PHF14: variants seen among roughly 807,000 people sequenced by gnomAD.
PHF14 encodes PHD finger protein 14.
In PHF14, 55 loss-of-function variants were observed where a neutral mutation model predicts 117.9. That is an observed-to-expected ratio of 0.47 (90% confidence interval 0.38 to 0.58). The LOEUF (loss-of-function observed/expected upper bound fraction) is 0.58, where lower values mean the gene tolerates loss of function less well. PHF14 is among the 20% of genes least tolerant of loss of function. The pLI, the probability that PHF14 is intolerant of heterozygous loss-of-function variation, is 0.00. For missense variants in PHF14, 978 were observed against 1,122.2 expected (o/e 0.87, Z 1.84); for synonymous variants, 409 against 368.6 (o/e 1.11, Z -1.26).
intron 4 of PHF14, among the ~76,000 whole-genome samples, chr7:10,994,461 T>C (rs1195212619): frequency 6.6e-6 from 1 of 152,088 alleles, no homozygotes; most frequent in African/African-American, 2.4e-5. Context: ...CTTGAAGTGG[T>C]AGCATGCTTA....
At chr7:11,158,886 A>T (rs571792733) in intron 17 of PHF14, among the ~76,000 whole-genome samples, 9 of 152,242 alleles carry the variant, frequency 5.9e-5, no homozygotes, top group African/African-American at 2.2e-4. Flanking sequence ...TACACTGAAG[A>T]CATATTAAAC....
At chr7:11,016,757 TTTAAG>T (rs1783548290) in intron 5 of PHF14, among the ~76,000 whole-genome samples, 1 of 152,166 alleles carries the variant, frequency 6.6e-6, no homozygotes, top group African/African-American at 2.4e-5. Context: ...AGTTACCCTC[TTTAAG>T]TTATTTTTAA....
chr7:11,149,226 GCA>G (rs1788639124), intron 17 of PHF14, among the ~76,000 whole-genome samples: 1 of 152,140 alleles, frequency 6.6e-6, no homozygotes, highest in African/African-American at 2.4e-5. Flanking sequence ...TTCATAGGAT[GCA>G]CACACACAAA....
chr7:11,059,120 G>C (rs1785118518), intron 14 of PHF14, among the ~76,000 whole-genome samples: 1 of 152,064 alleles, frequency 6.6e-6, no homozygotes, highest in Non-Finnish European at 1.5e-5. Context: ...CTATACCATT[G>C]TGTGATTGAA....
At chr7:11,036,032 A>G (rs1784316272) in intron 8 of PHF14, among the ~76,000 whole-genome samples, 1 of 152,166 alleles carries the variant, frequency 6.6e-6, no homozygotes. Context: ...CTGTGAGGAA[A>G]TTACTCTATC....
intron 17 of PHF14, among the ~76,000 whole-genome samples, chr7:11,135,858 T>A (rs1240341203): frequency 6.6e-6 from 1 of 152,208 alleles, no homozygotes; most frequent in Non-Finnish European, 1.5e-5. Flanking sequence ...AGTTCTAACC[T>A]GATTCAAAGC....
intron 7 of PHF14, among the ~76,000 whole-genome samples, chr7:11,031,435 A>G (rs889640523): frequency 5.9e-5 from 9 of 152,140 alleles, no homozygotes; most frequent in Admixed American, 5.9e-4. Flanking sequence ...AAACCATGTT[A>G]TGACACAACA....
rs111985280 is a variant in PHF14 at position 11,150,966 on chromosome 7, T to C, written c.2773-18450T>C. On this transcript the variant is annotated intron_variant, in intron 17 of 17. Coordinates refer to ENST00000634607, the MANE Select transcript of PHF14 (RefSeq NM_001007157.2). The stretch of plus-strand genomic sequence containing the variant: ...CATTCAAGTACAGTTTATTTTCTAC[T>C]TTAAAAGAAAAGTAAAAGAACTACA... Among the ~76,000 whole-genome samples, 281 of 152,294 alleles carry C rather than the reference T, an allele frequency of 1.8e-3. 2 individuals carry two copies. Among genetic ancestry groups the C allele is most frequent in the African/African-American group, 6.3e-3 (261 of 41,564 alleles).
intron 4 of PHF14, chr7:11,006,289 G>T (rs1326920064): frequency 5.1e-6 from 2 of 388,884 alleles, no homozygotes; most frequent in South Asian, 4.1e-5. Flanking sequence ...GTGGCCATTT[G>T]CCACATTTTG....
intron 16 of PHF14, among the ~76,000 whole-genome samples, chr7:11,070,498 A>G (rs965936065): frequency 6.6e-5 from 10 of 152,130 alleles, no homozygotes; most frequent in Non-Finnish European, 8.8e-5. Flanking sequence ...CACTGTAACT[A>G]TTTGCATAGG....
chr7:11,164,953 C>T (rs962558423), intron 17 of PHF14, among the ~76,000 whole-genome samples: 2 of 152,094 alleles, frequency 1.3e-5, no homozygotes. Flanking sequence ...GAGACGGAGT[C>T]TCGCTCAATT....
intron 17 of PHF14, among the ~76,000 whole-genome samples, chr7:11,133,439 A>C (rs1473274155): frequency 6.6e-6 from 1 of 152,000 alleles, no homozygotes; most frequent in African/African-American, 2.4e-5. Context: ...AAGGCAATTC[A>C]GTAAAGAAAA....
intron 1 of PHF14, 44 bp downstream of exon 1, chr7:10,974,368 C>G (rs1250172723): frequency 1.3e-6 from 2 of 1,554,978 alleles, no homozygotes; most frequent in African/African-American, 2.7e-5. Flanking sequence ...CCATTTCAGC[C>G]ATTCTAGAAG....
chr7:10,980,745 A>G (rs752571481), intron 2 of PHF14, among the ~76,000 whole-genome samples: 1 of 152,174 alleles, frequency 6.6e-6, no homozygotes, highest in African/African-American at 2.4e-5. Context: ...CCGCAGAAAT[A>G]ATGTTTGATT....
intron 16 of PHF14, among the ~76,000 whole-genome samples, chr7:11,080,336 A>G (rs997888286): frequency 1.3e-5 from 2 of 152,154 alleles, no homozygotes; most frequent in African/African-American, 4.8e-5. Flanking sequence ...TAAAAAATGT[A>G]TTGGGTAGTG....
At chr7:11,164,101 A>G (rs935343491) in intron 17 of PHF14, among the ~76,000 whole-genome samples, 3 of 152,238 alleles carry the variant, frequency 2.0e-5, no homozygotes, top group East Asian at 1.9e-4. Context: ...AGAAAATATC[A>G]TAAGAATATA....
At chr7:10,992,713 T>A (rs1782506234) in intron 4 of PHF14, among the ~76,000 whole-genome samples, 1 of 152,112 alleles carries the variant, frequency 6.6e-6, no homozygotes, top group Non-Finnish European at 1.5e-5. Flanking sequence ...ACCACATAAT[T>A]ATCAAAGTCA....
chr7:11,049,238 T>C lies in PHF14; in HGVS notation c.2313-2374T>C, dbSNP rs140278896. Among the ~76,000 whole-genome samples the C allele has an allele frequency of 9.8e-4, 149 of 152,168 alleles. 1 individual carries two copies. The highest frequency in any genetic ancestry group is 3.3e-3 in the African/African-American group (139 of 41,518). ...CTGTAATCCCAGCACTTTGGAAGGC[T>C]GAGGCGGGAGGATCACCTGAGGTCA... On this transcript the variant is annotated intron_variant, in intron 13 of 17. Transcript: ENST00000634607.
chr7:11,053,568 T>C (rs1476509426), intron 14 of PHF14, among the ~76,000 whole-genome samples: 1 of 152,120 alleles, frequency 6.6e-6, no homozygotes, highest in Admixed American at 6.6e-5. Flanking sequence ...TTACTTCGTA[T>C]GTCTGTCTAC....
Sources: gnomAD v4.1 joint callset for allele counts (sites outside exome capture counted in the v4.1 genomes callset) on GRCh38, gnomAD v4.1.1 for gene constraint, MANE v1.5 for transcripts, NCBI Gene and HGNC (gene_info 2026-07-23, HGNC 2026-07-21) for gene names.